ABCB4: variants seen among roughly 807,000 people sequenced by gnomAD.
ABCB4 encodes the protein ATP binding cassette subfamily B member 4.
ABCB4 carries 76 observed loss-of-function variants against 145.7 expected under a neutral mutation model. That is an observed-to-expected ratio of 0.52 (90% CI 0.43 to 0.63). The LOEUF is 0.63. Among genes scored for constraint, ABCB4 ranks in the 30% least tolerant of loss-of-function variants. The pLI, the probability that ABCB4 is intolerant of heterozygous loss-of-function variation, is 0.00. For missense variants in ABCB4, 1,234 were observed against 1,553.1 expected, an observed-to-expected ratio of 0.79 and a Z score of 3.45; for synonymous variants, 517 against 566.8, an observed-to-expected ratio of 0.91 and a Z score of 1.25.
intron 18 of ABCB4, among the ~76,000 whole-genome samples, chr7:87,420,422 C>T (rs1205009988): frequency 6.6e-6 from 1 of 152,186 alleles, no homozygotes; most frequent in Non-Finnish European, 1.5e-5. Flanking sequence ...GATCACACTT[C>T]ATTACCATAC....
chr7:87,442,643 T>C (rs1223989262), intron 12 of ABCB4, among the ~76,000 whole-genome samples: 1 of 151,832 alleles, frequency 6.6e-6, no homozygotes, highest in Non-Finnish European at 1.5e-5. Context: ...CACACACACA[T>C]AAACACACAC....
At chr7:87,452,672 T>C in intron 6 of ABCB4, 1 of 507,914 alleles carries the variant, frequency 2.0e-6, no homozygotes, top group Non-Finnish European at 3.6e-6. Flanking sequence ...GTCTAGCACC[T>C]GTCACGTCCT....
intron 3 of ABCB4, among the ~76,000 whole-genome samples, chr7:87,468,668 C>T (rs1035155647): frequency 6.6e-6 from 1 of 152,132 alleles, no homozygotes; most frequent in Non-Finnish European, 1.5e-5. Flanking sequence ...CGCGGTGGCT[C>T]ACGCCTATAA....
the ABCB4 span, among the ~76,000 whole-genome samples, chr7:87,368,153 G>A: frequency 1.3e-5 from 2 of 152,042 alleles, no homozygotes; most frequent in East Asian, 3.9e-4. Flanking sequence ...TAATGCCTTT[G>A]TGCTTGCTGT....
chr7:87,395,046 G>T, the ABCB4 span, among the ~76,000 whole-genome samples: 1 of 152,090 alleles, frequency 6.6e-6, no homozygotes, highest in Non-Finnish European at 1.5e-5. Flanking sequence ...ATTAGTCAGG[G>T]TTCTCTACAG....
At chr7:87,439,120 A>T (rs1810803319) in intron 14 of ABCB4, among the ~76,000 whole-genome samples, 1 of 152,214 alleles carries the variant, frequency 6.6e-6, no homozygotes, top group Admixed American at 6.5e-5. Context: ...TCAGCTTAGT[A>T]AAAATGCTAA....
chr7:87,377,874 C>T, the ABCB4 span, among the ~76,000 whole-genome samples: 3 of 152,106 alleles, frequency 2.0e-5, no homozygotes, highest in Admixed American at 6.6e-5. Context: ...ATCTTTGGAA[C>T]ACTATTTAGG....
intron 6 of ABCB4, among the ~76,000 whole-genome samples, chr7:87,452,106 T>C (rs906230275): frequency 2.0e-5 from 3 of 152,186 alleles, no homozygotes; most frequent in Non-Finnish European, 4.4e-5. Context: ...AGAAGAACAT[T>C]GCAACAATAA....
At chr7:87,443,880 T>C in intron 10 of ABCB4, 107 bp from the exon 11 acceptor site, 1 of 798,980 alleles carries the variant, frequency 1.3e-6, no homozygotes, top group East Asian at 2.6e-5. Context: ...AATGTCACAA[T>C]CCCCTTTACA....
At chr7:87,373,503 G>C in the ABCB4 span, among the ~76,000 whole-genome samples, 1 of 151,884 alleles carries the variant, frequency 6.6e-6, no homozygotes, top group Admixed American at 6.6e-5. Flanking sequence ...CCTAATCTGA[G>C]GACATGAAGA....
intron 3 of ABCB4, 80 bp from the exon 4 acceptor site, chr7:87,462,988 T>C: frequency 1.5e-6 from 2 of 1,336,052 alleles, no homozygotes; most frequent in Non-Finnish European, 2.1e-6. Flanking sequence ...TTTGGATTTT[T>C]ATTTAAAGTC....
chr7:87,451,790 T>C lies in ABCB4; in HGVS notation c.541A>G (p.Ile181Val). 1 of 1,614,114 alleles carries C rather than the reference T, an allele frequency of 6.2e-7. No homozygotes were observed. The highest frequency in any genetic ancestry group is 1.3e-5 in the African/African-American group (1 of 75,044). Residue 181 changes from isoleucine to valine, a missense_variant, in exon 7 of 28, where the codon ATC becomes GTC. Physicochemically the swap from Ile to Val is conservative, Grantham distance 29 (BLOSUM62 3). Transcript: ENST00000649586. ...CCAATTCCTTCACTGATTTTGGAGATGTCACTAAAAAAGATCACACCTAAG... is the reference window on the plus strand; with the variant it reads ...CCAATTCCTTCACTGATTTTGGAGACGTCACTAAAAAAGATCACACCTAAG... The part of the protein sequence containing the change: ...TELNTRLTDD[I>V]SKISEGIGDK...
chr7:87,375,976 T>C, the ABCB4 span: 1 of 1,535,690 alleles, frequency 6.5e-7, no homozygotes, highest in East Asian at 2.3e-5. Flanking sequence ...CTTCTCTTTT[T>C]TTTTTTATTG....
At chr7:87,411,333 T>C (rs1394729099) in intron 23 of ABCB4, among the ~76,000 whole-genome samples, 1 of 152,082 alleles carries the variant, frequency 6.6e-6, no homozygotes, top group Non-Finnish European at 1.5e-5. Flanking sequence ...CCTAATGGAA[T>C]GTGCTGAGCA....
At position 87,440,354 on chromosome 7, in the gene ABCB4, T is replaced by C. The variant is rs774677501; in HGVS notation, c.1405A>G (p.Arg469Gly). 6.2e-7 allele frequency: 1 copy of C among 1,614,166 alleles called. No homozygotes were observed. The highest frequency in any genetic ancestry group is 1.1e-5 in the South Asian group (1 of 91,080). Residue 469 changes from arginine (R) to glycine (G), a missense_variant, in exon 13 of 28, where the codon AGG becomes GGG. By Grantham distance (125) the Arg-to-Gly change is moderately radical (BLOSUM62 -2). Coordinates refer to ENST00000649586, the MANE Select transcript of ABCB4 (RefSeq NM_000443.4). ...DIRNFNVNYL[R>G]EIIGVVSQEP... ...TGACTCACCACACCAATGATTTCCC[T>C]CAGATAGTTTACATTAAAGTTCCTA...
the ABCB4 span, among the ~76,000 whole-genome samples, chr7:87,394,092 A>T: frequency 6.6e-6 from 1 of 152,202 alleles, no homozygotes; most frequent in Non-Finnish European, 1.5e-5. Context: ...ATATGGTGCC[A>T]TTTGCAGTCA....
chr7:87,420,191 A>T, intron 18 of ABCB4, 116 bp from the exon 19 acceptor site: 1 of 929,020 alleles, frequency 1.1e-6, no homozygotes, highest in Non-Finnish European at 1.7e-6. Context: ...GTTGCCACGG[A>T]TCCTCAAGTC....
rs767492219 is a variant in ABCB4, at chr7:87,417,335, T to C, written c.2659A>G (p.Lys887Glu). The change falls in exon 21 of 28, where the codon AAA (lysine) becomes GAA (glutamate). Residue 887 changes from lysine (K) to glutamate (E), a missense_variant. By Grantham distance (56) the Lys-to-Glu change is moderately conservative. Around this residue, in one of 7 missense-constraint regions of ABCB4, gnomAD observed 301 missense variants for 389.0 expected, o/e 0.77. Coordinates refer to ENST00000649586, the MANE Select transcript of ABCB4 (RefSeq NM_000443.4). ...LLAGNAKRDK[K>E]ELEAAGKIAT... ...ACCTTTCCAGCAGCTTCCAGTTCTT[T>C]TTTATCTCTTTTGGCATTTCCAGCC... 1.9e-6 allele frequency: 3 copies of C among 1,614,120 alleles called. No individual in the cohort carries two copies. The South Asian group carries it at 3.3e-5, about 18-fold the overall frequency.
At chr7:87,422,278 C>T in intron 17 of ABCB4, 53 bp from the exon 18 acceptor site, 1 of 1,338,918 alleles carries the variant, frequency 7.5e-7, no homozygotes, top group Middle Eastern at 1.8e-4. Context: ...GATCCTTCTT[C>T]ATTCCTCTCA....
Sources: gnomAD v4.1 joint callset for allele counts (sites outside exome capture counted in the v4.1 genomes callset) on GRCh38, gnomAD v4.1.1 for gene constraint, gnomAD v4.1.1 regional missense constraint, MANE v1.5 for transcripts, NCBI Gene and HGNC (gene_info 2026-07-23, HGNC 2026-07-21) for gene names.